The following PLCH1 variants were observed in gnomAD, a reference collection of about 807,000 sequenced individuals.
PLCH1 encodes the protein 1-phosphatidylinositol 4,5-bisphosphate phosphodiesterase eta-1.
In PLCH1, 60 loss-of-function variants were observed where a neutral mutation model predicts 126.7. The observed-to-expected ratio is 0.47, with a 90% CI of 0.38 to 0.59. The LOEUF (loss-of-function observed/expected upper bound fraction) is 0.59, where lower values mean the gene tolerates loss of function less well. PLCH1 is among the 20% of genes least tolerant of loss of function. PLCH1 has a pLI of 0.00. For missense variants in PLCH1, 1,723 were observed against 2,040.0 expected, an observed-to-expected ratio of 0.84 and a Z score of 2.99; for synonymous variants, 719 against 734.9, an observed-to-expected ratio of 0.98 and a Z score of 0.35.
chr3:155,667,337 A>G (rs532821093), intron 2 of PLCH1, among the ~76,000 whole-genome samples: 1 of 152,314 alleles, frequency 6.6e-6, no homozygotes, highest in East Asian at 1.9e-4. Context: ...AAACAAATAA[A>G]TGATAAAGTA....
At chr3:155,721,939 C>T (rs1042530759) in intron 1 of PLCH1, among the ~76,000 whole-genome samples, 13 of 152,004 alleles carry the variant, frequency 8.6e-5, no homozygotes, top group Middle Eastern at 3.4e-3. Flanking sequence ...CTCAGCTACT[C>T]GGGAGGCTGA....
chr3:155,565,247 G>C (rs926805136), intron 7 of PLCH1, 129 bp from the exon 8 acceptor site: 42 of 630,424 alleles, frequency 6.7e-5, no homozygotes, highest in Non-Finnish European at 1.1e-4. Context: ...GGCATTTGTG[G>C]GGAAAACTGG....
At chr3:155,586,828 T>C (rs1485926659) in intron 4 of PLCH1, among the ~76,000 whole-genome samples, 1 of 152,200 alleles carries the variant, frequency 6.6e-6, no homozygotes, top group Non-Finnish European at 1.5e-5. Context: ...AAATCTATTA[T>C]TGCAAAACAC....
intron 1 of PLCH1, among the ~76,000 whole-genome samples, chr3:155,716,697 A>G (rs1747537317): frequency 6.6e-6 from 1 of 152,104 alleles, no homozygotes. Flanking sequence ...CATGACCCAA[A>G]CACCTCCCAC....
At chr3:155,615,747 G>A (rs961859232) in intron 2 of PLCH1, among the ~76,000 whole-genome samples, 2 of 152,070 alleles carry the variant, frequency 1.3e-5, no homozygotes, top group African/African-American at 4.8e-5. Flanking sequence ...ATGATATAAT[G>A]GACCTTGGGG....
intron 2 of PLCH1, among the ~76,000 whole-genome samples, chr3:155,650,093 G>T (rs1280306463): frequency 1.3e-5 from 2 of 151,844 alleles, no homozygotes; most frequent in African/African-American, 2.4e-5. Flanking sequence ...TCCACAAACA[G>T]CCCCCCCAAA....
intron 2 of PLCH1, among the ~76,000 whole-genome samples, chr3:155,691,325 A>G (rs1745366559): frequency 1.3e-5 from 2 of 152,216 alleles, no homozygotes; most frequent in Admixed American, 1.3e-4. Context: ...TTTCCTAATG[A>G]TCCCTCAAGA....
At chr3:155,735,887 C>T (rs566870217) in intron 1 of PLCH1, among the ~76,000 whole-genome samples, 9 of 152,060 alleles carry the variant, frequency 5.9e-5, no homozygotes, top group Non-Finnish European at 1.2e-4. Flanking sequence ...AAACTAATAA[C>T]ACTTTTCTAC....
chr3:155,628,250 C>A (rs1375001060), intron 2 of PLCH1, among the ~76,000 whole-genome samples: 1 of 151,590 alleles, frequency 6.6e-6, no homozygotes, highest in Non-Finnish European at 1.5e-5. Context: ...GACTCTCTGA[C>A]CTCTCCCACC....
intron 2 of PLCH1, among the ~76,000 whole-genome samples, chr3:155,666,931 CATGTGTGTGT>C (rs1559915885): frequency 4.3e-4 from 59 of 137,976 alleles, no homozygotes; most frequent in African/African-American, 1.3e-3. Flanking sequence ...TGTGTGTGTG[CATGTGTGTGT>C]AAGACAGATA....
chr3:155,598,902 T>C (rs779770161), intron 2 of PLCH1, among the ~76,000 whole-genome samples: 57 of 151,974 alleles, frequency 3.8e-4, no homozygotes, highest in Non-Finnish European at 7.5e-4. Context: ...CTCAGTGTGA[T>C]AGTATTTGGA....
intron 10 of PLCH1, among the ~76,000 whole-genome samples, chr3:155,530,124 T>A (rs1318654680): frequency 6.6e-6 from 1 of 152,190 alleles, no homozygotes; most frequent in Non-Finnish European, 1.5e-5. Flanking sequence ...AAGATTTCTC[T>A]GCAGCATGTG....
downstream of PLCH1, among the ~76,000 whole-genome samples, chr3:155,475,234 TAAG>T (rs1417654678): frequency 6.6e-6 from 1 of 151,800 alleles, no homozygotes. Context: ...AAAAAGAAAT[TAAG>T]AAGAAAATTT....
chr3:155,568,121 A>G (rs752180867), intron 7 of PLCH1, 110 bp downstream of exon 7: 66 of 576,684 alleles, frequency 1.1e-4, no homozygotes, highest in Non-Finnish European at 1.6e-4. Flanking sequence ...ATTATTTATT[A>G]ATATAATCCC....
intron 4 of PLCH1, 129 bp from the exon 5 acceptor site, chr3:155,586,323 A>C (rs1490016112): frequency 1.2e-6 from 1 of 813,400 alleles, no homozygotes; most frequent in African/African-American, 1.7e-5. Context: ...GAGCCCCTGC[A>C]ATCCATAGGC....
intron 2 of PLCH1, chr3:155,658,516 T>C (rs1016222857): frequency 2.0e-5 from 3 of 152,354 alleles, no homozygotes; most frequent in African/African-American, 7.2e-5. Context: ...CAAGTTTGAT[T>C]AGAAAGATGT....
rs139248724 is a variant in PLCH1, at chr3:155,670,845, C to T, written c.79+33301G>A. 7.4e-3 allele frequency among the ~76,000 whole-genome samples: 1,120 copies of T among 152,296 alleles called. 6 individuals are homozygous for T. The highest frequency in any genetic ancestry group is 0.012 in the Non-Finnish European group (812 of 68,012). ...TAACCATTCTTACCCCACTGCTTCC[C>T]TGTGCCAAACCCTGTGTAACCTACC... On this transcript the variant is annotated intron_variant, in intron 2 of 22. Transcript: ENST00000460012.
At chr3:155,494,933 T>A (rs1716813679) in intron 15 of PLCH1, among the ~76,000 whole-genome samples, 1 of 152,114 alleles carries the variant, frequency 6.6e-6, no homozygotes, top group South Asian at 2.1e-4. Flanking sequence ...CAGGAAGACA[T>A]TCATTGAAGG....
Position 155,564,323 on chromosome 3 carries a change from G to A in PLCH1, c.1069+592C>T, listed in dbSNP as rs139270663. 5.1e-3 allele frequency among the ~76,000 whole-genome samples: 777 copies of A among 152,202 alleles called. 9 individuals are homozygous for A. The highest frequency in any genetic ancestry group is 0.018 in the African/African-American group (742 of 41,538). On this transcript the variant is annotated intron_variant, in intron 8 of 22. Coordinates refer to ENST00000460012, the MANE Select transcript of PLCH1 (RefSeq NM_014996.4). ...CTCACACCTGTAATCCCAGCACTTC[G>A]GGAGGCTGAGGTGGGTGGATCATGA... is the stretch of plus-strand genomic sequence containing the variant.
Sources: allele counts gnomAD v4.1 joint callset (sites outside exome capture counted in the v4.1 genomes callset), GRCh38; gene constraint gnomAD v4.1.1; transcripts MANE v1.5; gene names NCBI Gene and HGNC (gene_info 2026-07-23, HGNC 2026-07-21).